ZNF132: variants seen among roughly 807,000 people sequenced by gnomAD.
ZNF132 encodes zinc finger protein 132, also known as zinc finger protein 132 (clone pHZ-12).
In ZNF132, 6 loss-of-function variants were observed where a neutral mutation model predicts 9.3. The ratio of observed to expected loss-of-function variants is 0.65; its 90% CI spans 0.35 to 1.28. The LOEUF (loss-of-function observed/expected upper bound fraction) is 1.28, where lower values mean the gene tolerates loss of function less well. Among genes scored for constraint, ZNF132 ranks in the 50% most tolerant of loss-of-function variants. The pLI, the probability that ZNF132 is intolerant of heterozygous loss-of-function variation, is 0.03. For synonymous variants in ZNF132, 296 were observed against 292.0 expected (o/e 1.01, Z -0.14); for missense variants, 877 against 843.2 (o/e 1.04, Z -0.50).
chr19:58,436,983 G>A (rs2052776791), intron 2 of ZNF132, 64 bp downstream of exon 2: 3 of 1,610,086 alleles, frequency 1.9e-6, no homozygotes, highest in Non-Finnish European at 2.5e-6. Flanking sequence ...GATGAACAGA[G>A]CTTTCTATGG....
rs144719312 is a variant in ZNF132 at position 58,433,735 on chromosome 19, G to A, written c.1709C>T (p.Pro570Leu). 4.0e-5 allele frequency: 64 copies of A among 1,613,964 alleles called. No homozygotes were observed. Among genetic ancestry groups the A allele is most frequent in the Non-Finnish European group, 5.0e-5 (59 of 1,179,950 alleles). Residue 570 changes from proline to leucine, a missense_variant, in exon 3 of 3, where the codon CCT (proline) becomes CTT (leucine). By Grantham distance (98) the Pro-to-Leu change is moderately conservative. Transcript: ENST00000254166. ...TTTCCCACATTCATTGCACTCATAA[G>A]GCCTTTCTTTTGTGTGAACTCTCCA... Reference protein sequence around the residue: ...EHWRVHTKERPYECNECGKFF... With the variant: ...EHWRVHTKERLYECNECGKFF...
intron 2 of ZNF132, among the ~76,000 whole-genome samples, chr19:58,436,462 T>G (rs2052773165): frequency 6.6e-6 from 1 of 151,756 alleles, no homozygotes; most frequent in African/African-American, 2.4e-5. Flanking sequence ...GTCAGGAGAT[T>G]GAGACCATCC....
intron 1 of ZNF132, among the ~76,000 whole-genome samples, 186 bp downstream of exon 1, chr19:58,439,573 G>A (rs982756155): frequency 6.6e-6 from 1 of 152,208 alleles, no homozygotes; most frequent in African/African-American, 2.4e-5. Flanking sequence ...GGAATCCCTC[G>A]ATATAACCCC....
chr19:58,436,124 G>A (rs8111029), intron 2 of ZNF132, among the ~76,000 whole-genome samples: 13,951 of 152,142 alleles, frequency 0.092, 1,972 homozygotes, highest in African/African-American at 0.31. Flanking sequence ...TCTAGGAAAC[G>A]TAAATCTATA....
chr19:58,437,814 A>G (rs1268113760), intron 1 of ZNF132: 2 of 985,130 alleles, frequency 2.0e-6, no homozygotes, highest in South Asian at 4.7e-5. Flanking sequence ...TAGCCCCTCA[A>G]GTCAATGCCT....
In ZNF132 at chr19:58,433,041, G is replaced by A. The variant is rs535343508; in HGVS notation, c.*282C>T. On this transcript the variant is annotated 3_prime_UTR_variant, in exon 3 of 3. Coordinates refer to ENST00000254166, the MANE Select transcript of ZNF132 (RefSeq NM_003433.4). ...CAGTCCTGAATCCCTAGAGAACACA[G>A]GAAGGAAGGCTCAGGGTACTGTTTT... 1.8e-5 allele frequency: 6 copies of A among 334,844 alleles called. No homozygotes were observed. In the East Asian group the frequency reaches 2.0e-4, roughly 11 times the overall value. The allele number at this position is 334,844 out of a possible 1,614,324, so 20.7% of individuals were successfully genotyped here.
At chr19:58,435,564 T>G in intron 2 of ZNF132, 1 of 188,556 alleles carries the variant, frequency 5.3e-6, no homozygotes, top group Non-Finnish European at 1.1e-5. Flanking sequence ...CATAATGAGA[T>G]ACCACTTCAC....
In ZNF132 at chr19:58,433,944, G is replaced by C. The variant is rs757798120; in HGVS notation, c.1500C>G (p.Ser500=). 1 of 1,614,110 alleles carries C rather than the reference G, an allele frequency of 6.2e-7. No individual in the cohort carries two copies. Among genetic ancestry groups the C allele is most frequent in the South Asian group, 1.1e-5 (1 of 91,078 alleles). Residue 500 remains serine (S), a synonymous_variant, in exon 3 of 3, where the codon TCC becomes TCG. Coordinates refer to ENST00000254166, the MANE Select transcript of ZNF132 (RefSeq NM_003433.4). ...GTACTTTCTGGTGCTGGATGAGGGT[G>C]GAGCTATTACTGAAGGCTTTACCAC... ...CDCGKAFSNS[S]TLIQHQKVHT...
Position 58,433,868 on chromosome 19 carries a change from G to A in ZNF132, c.1576C>T (p.Arg526Cys), listed in dbSNP as rs142712450. The change falls in exon 3 of 3, where the codon CGC (arginine) becomes TGC (cysteine). Residue 526 changes from arginine to cysteine, a missense_variant. Arg to Cys is a radical substitution (Grantham distance 180). Transcript: ENST00000254166. Reference sequence around the variant, plus strand: ...CAGTGCTGAATCAGGCTGGAGCTGCGGCTGAAGGATTTCCTACATTCGCTG... The same window carrying A: ...CAGTGCTGAATCAGGCTGGAGCTGCAGCTGAAGGATTTCCTACATTCGCTG... ...ECSECRKSFS[R>C]SSSLIQHWRI... The A allele has an allele frequency of 1.1e-4, 172 of 1,614,020 alleles. No individual in the cohort carries two copies. The highest frequency in any genetic ancestry group is 1.3e-4 in the Non-Finnish European group (157 of 1,180,006).
In ZNF132 at chr19:58,434,418, T is replaced by C; in HGVS notation, c.1026A>G (p.Ser342=). The part of the protein sequence containing the change: ...LTFVHHQRIH[S]GERPYECDEC... Reference sequence around the variant, plus strand: ...CATCACACTCATAAGGTCTTTCTCCTGAGTGAATTCTCTGATGATGAACAA... The same window carrying C: ...CATCACACTCATAAGGTCTTTCTCCCGAGTGAATTCTCTGATGATGAACAA... Residue 342 remains serine (S), a synonymous_variant, in exon 3 of 3, where the codon TCA becomes TCG. Transcript: ENST00000254166. The C allele has an allele frequency of 6.2e-7, 1 of 1,614,252 alleles. No homozygotes were observed. Among genetic ancestry groups the C allele is most frequent in the South Asian group, 1.1e-5 (1 of 91,090 alleles).
chr19:58,438,752 C>T (rs188229926), intron 1 of ZNF132, among the ~76,000 whole-genome samples: 123 of 147,000 alleles, frequency 8.4e-4, no homozygotes, highest in Non-Finnish European at 1.6e-3. Flanking sequence ...GGATTACAGG[C>T]GTGAGCCACC....
In ZNF132 at chr19:58,436,694, G is replaced by GA. The variant is rs1195438847; in HGVS notation, c.232+352dup. 1.4e-3 allele frequency among the ~76,000 whole-genome samples: 195 copies of GA among 142,138 alleles called. 1 individual carries two copies. The highest frequency in any genetic ancestry group is 4.5e-3 in the African/African-American group (172 of 38,482). The allele number at this position is 142,138 out of a possible 152,430, so 93.2% of individuals were successfully genotyped here. ...AAAAAAAAAAAAAAAAAAAAAAAAG[G>GA]AAAAAAAAATCTCATTGGGAAAGAG... On this transcript the variant is annotated intron_variant, in intron 2 of 2. Transcript: ENST00000254166.
chr19:58,439,503 A>G (rs1366971606), intron 1 of ZNF132, among the ~76,000 whole-genome samples: 1 of 152,196 alleles, frequency 6.6e-6, no homozygotes, highest in East Asian at 1.9e-4. Context: ...CAAGGTACAC[A>G]TGCTGGTCAC....
At chr19:58,436,804 G>T in intron 2 of ZNF132, 1 of 628,252 alleles carries the variant, frequency 1.6e-6, no homozygotes, top group South Asian at 1.6e-5. Context: ...GACTGGAGGT[G>T]TCTGATCCCC....
In ZNF132 at chr19:58,433,990, C is replaced by T. The variant is rs202071912; in HGVS notation, c.1454G>A (p.Arg485Gln). ...LRHQKVHTGERPFECCDCGKA... is the reference protein window; with the variant it reads ...LRHQKVHTGEQPFECCDCGKA... ...ACCACAATCACAGCATTCAAAAGGC[C>T]GTTCTCCAGTGTGAACTTTCTGATG... Residue 485 changes from arginine to glutamine, a missense_variant, in exon 3 of 3, where the codon CGG (arginine) becomes CAG (glutamine). Physicochemically the swap from Arg to Gln is conservative, Grantham distance 43. Transcript: ENST00000254166. 32 of 1,614,022 alleles carry T rather than the reference C, an allele frequency of 2.0e-5. No homozygotes were observed. The highest frequency in any genetic ancestry group is 1.6e-4 in the Middle Eastern group (1 of 6,084).
At chr19:58,436,667 CAAAAAAAAAA>C (rs56078209) in intron 2 of ZNF132, among the ~76,000 whole-genome samples, 10 of 65,554 alleles carry the variant, frequency 1.5e-4, no homozygotes, top group Admixed American at 1.8e-4. Context: ...GACTCCATCT[CAAAAAAAAAA>C]AAAAAAAAAA....
rs1360384466 is a variant in ZNF132 at position 58,433,450 on chromosome 19, C to G, written c.1994G>C (p.Ser665Thr). Residue 665 changes from serine (S) to threonine (T), a missense_variant, in exon 3 of 3, where the codon AGT (serine) becomes ACT (threonine). Ser to Thr is a moderately conservative substitution (Grantham distance 58). Coordinates refer to ENST00000254166, the MANE Select transcript of ZNF132 (RefSeq NM_003433.4). ...GTGCCGAACAAGTGTAGATCTTTCA[C>G]TAAAGGCTTTTCCACACTGGATGCA... ...YECIQCGKAF[S>T]ERSTLVRHQK... The G allele has an allele frequency of 6.4e-7, 1 of 1,553,578 alleles. No individual in the cohort carries two copies.
intron 1 of ZNF132, chr19:58,437,855 G>C (rs1325937731): frequency 2.1e-6 from 2 of 941,426 alleles, no homozygotes; most frequent in African/African-American, 3.5e-5. Flanking sequence ...TCAACCATCA[G>C]CTGCCCAGAA....
Position 58,439,851 on chromosome 19 carries a change from T to C in ZNF132, c.-30A>G. 8 of 1,534,216 alleles carry C rather than the reference T, an allele frequency of 5.2e-6. No homozygotes were observed. The highest frequency in any genetic ancestry group is 6.1e-6 in the Non-Finnish European group (7 of 1,140,190). Reference sequence around the variant, plus strand: ...GGAGGCCCAGGGCTAGCCCTGCCGCTGGGCCGAACCCTCACACTTCCGCTG... The same window carrying C: ...GGAGGCCCAGGGCTAGCCCTGCCGCCGGGCCGAACCCTCACACTTCCGCTG... On this transcript the variant is annotated 5_prime_UTR_variant, in exon 1 of 3. Coordinates refer to ENST00000254166, the MANE Select transcript of ZNF132 (RefSeq NM_003433.4).
Sources: gnomAD v4.1 joint callset for allele counts (sites outside exome capture counted in the v4.1 genomes callset) on GRCh38, gnomAD v4.1.1 for gene constraint, MANE v1.5 for transcripts, NCBI Gene and HGNC (gene_info 2026-07-23, HGNC 2026-07-21) for gene names.